TCF7L2: variants seen among roughly 807,000 people sequenced by gnomAD.
The protein encoded by TCF7L2 is transcription factor 7 like 2, also known as transcription factor 7-like 2.
Under a neutral mutation model 77.9 loss-of-function variants are expected in TCF7L2, and 23 were observed. That is an observed-to-expected ratio of 0.30 (90% CI 0.21 to 0.42). TCF7L2 has a LOEUF of 0.42. Among genes scored for constraint, TCF7L2 ranks in the 10% least tolerant of loss-of-function variants. The pLI is 1.00. For synonymous variants in TCF7L2, 413 were observed against 340.2 expected (o/e 1.21, Z -2.36); for missense variants, 654 against 793.1 (o/e 0.82, Z 2.11).
At chr10:113,148,805 T>G (rs1349265931) in intron 8 of TCF7L2, among the ~76,000 whole-genome samples, 1 of 152,226 alleles carries the variant, frequency 6.6e-6, no homozygotes, top group Admixed American at 6.5e-5. Context: ...GGTCTCTTTC[T>G]TTGCTGAACA....
At chr10:113,065,682 C>T (rs951203408) in intron 5 of TCF7L2, among the ~76,000 whole-genome samples, 6 of 152,172 alleles carry the variant, frequency 3.9e-5, no homozygotes, top group Admixed American at 2.6e-4. Context: ...GGCTCTGGCT[C>T]AGCTGCCTCC....
At chr10:113,013,734 C>G (rs1393835645) in intron 4 of TCF7L2, among the ~76,000 whole-genome samples, 2 of 152,186 alleles carry the variant, frequency 1.3e-5, no homozygotes, top group Non-Finnish European at 2.9e-5. Flanking sequence ...TTAGTCCCCA[C>G]TTTCTCCTGA....
chr10:113,117,122 A>G (rs766573008), intron 5 of TCF7L2, among the ~76,000 whole-genome samples: 5 of 152,236 alleles, frequency 3.3e-5, no homozygotes, highest in Non-Finnish European at 7.3e-5. Flanking sequence ...TGTACATCAA[A>G]TCTACGATTT....
chr10:113,090,909 T>C (rs2060327528), intron 5 of TCF7L2, among the ~76,000 whole-genome samples: 1 of 151,994 alleles, frequency 6.6e-6, no homozygotes, highest in Non-Finnish European at 1.5e-5. Flanking sequence ...TGCCTGGTCT[T>C]TTTTATTTTT....
chr10:112,951,143 C>G, intron 1 of TCF7L2, 64 bp from the exon 2 acceptor site: 1 of 1,418,264 alleles, frequency 7.1e-7, no homozygotes, highest in Non-Finnish European at 9.6e-7. Flanking sequence ...TCTTTTTCTC[C>G]CCCTTCTCCC....
intron 4 of TCF7L2, among the ~76,000 whole-genome samples, chr10:113,002,650 A>G (rs529808298): frequency 6.6e-5 from 10 of 152,244 alleles, no homozygotes; most frequent in Admixed American, 6.5e-4. Flanking sequence ...GTGTTGGTTG[A>G]TGGGAACATC....
At chr10:113,159,330 T>TA (rs539793387) in intron 12 of TCF7L2, among the ~76,000 whole-genome samples, 1 of 151,918 alleles carries the variant, frequency 6.6e-6, no homozygotes, top group Non-Finnish European at 1.5e-5. Context: ...AAAATAGATT[T>TA]AAAAAAAAGA....
In TCF7L2 at chr10:113,093,931, A is replaced by T. The variant is rs375006235; in HGVS notation, c.553-47253A>T. 1.1e-4 allele frequency among the ~76,000 whole-genome samples: 16 copies of T among 152,170 alleles called. No individual in the cohort carries two copies. The East Asian group carries it at 2.7e-3, about 26-fold the overall frequency. On this transcript the variant is annotated intron_variant, in intron 5 of 13. Coordinates refer to ENST00000627217, the MANE Select transcript of TCF7L2 (RefSeq NM_001146274.2). ...AGTTCATTGTCCAAAGCCTTCCCTG[A>T]TTCCTTGTTTCCTTCCTCTTCAGGG... is the stretch of plus-strand genomic sequence containing the variant.
At chr10:113,145,958 T>TAG in intron 7 of TCF7L2, 53 bp from the exon 8 acceptor site, 1 of 1,350,238 alleles carries the variant, frequency 7.4e-7, no homozygotes, top group Non-Finnish European at 1.0e-6. Flanking sequence ...CTTTTTCTTG[T>TAG]CCCCACCCCC....
At chr10:113,073,824 T>G (rs2058383173) in intron 5 of TCF7L2, among the ~76,000 whole-genome samples, 2 of 152,352 alleles carry the variant, frequency 1.3e-5, no homozygotes, top group African/African-American at 4.8e-5. Context: ...TGCCTGGCCC[T>G]GCTGCCTGCC....
At chr10:113,131,864 G>C (rs1055704047) in intron 5 of TCF7L2, among the ~76,000 whole-genome samples, 1 of 152,170 alleles carries the variant, frequency 6.6e-6, no homozygotes, top group African/African-American at 2.4e-5. Context: ...GCACACATTT[G>C]AGGATTTTTG....
intron 8 of TCF7L2, 63 bp downstream of exon 8, chr10:113,146,160 G>C: frequency 6.6e-7 from 1 of 1,507,066 alleles, no homozygotes; most frequent in South Asian, 1.1e-5. Context: ...AAGTTCTCTA[G>C]ATGGCCACCA....
intron 4 of TCF7L2, among the ~76,000 whole-genome samples, chr10:113,028,805 G>A (rs764582387): frequency 6.6e-6 from 1 of 152,202 alleles, no homozygotes; most frequent in South Asian, 2.1e-4. Flanking sequence ...GGATTTTTTA[G>A]AAGTTGTGAT....
intron 11 of TCF7L2, among the ~76,000 whole-genome samples, chr10:113,153,407 G>C (rs1318724671): frequency 6.6e-6 from 1 of 152,204 alleles, no homozygotes; most frequent in African/African-American, 2.4e-5. Context: ...CTTAAGGCCG[G>C]CACAGGCCTC....
In TCF7L2 at chr10:113,075,067, T is replaced by C. The variant is rs552307022; in HGVS notation, c.552+34941T>C. ...CTGTTGTCCAGATCATAACTCACTG[T>C]AACCTTGATCTCCTGGGCTGAAGCA... On this transcript the variant is annotated intron_variant, in intron 5 of 13. Transcript: ENST00000627217. Among the ~76,000 whole-genome samples the C allele has an allele frequency of 3.3e-5, 5 of 152,346 alleles. No homozygotes were observed. In the South Asian group the frequency reaches 1.0e-3, roughly 32 times the overall value.
At chr10:112,951,776 A>C in intron 3 of TCF7L2, 169 bp downstream of exon 3, 1 of 188,234 alleles carries the variant, frequency 5.3e-6, no homozygotes, top group Non-Finnish European at 9.9e-6. Context: ...AACTCTCCAA[A>C]CTTTTCTGCC....
intron 5 of TCF7L2, among the ~76,000 whole-genome samples, chr10:113,094,752 A>C (rs1247972069): frequency 6.6e-6 from 1 of 152,230 alleles, no homozygotes; most frequent in African/African-American, 2.4e-5. Flanking sequence ...AAAACTGTGA[A>C]AGTACTAATG....
intron 7 of TCF7L2, 39 bp from the exon 8 acceptor site, chr10:113,145,972 C>CAA: frequency 7.4e-6 from 10 of 1,342,566 alleles, no homozygotes; most frequent in South Asian, 1.2e-5. Flanking sequence ...CACCCCCACC[C>CAA]TTGTTTCAAG....
chr10:113,117,407 CT>C (rs57688673), intron 5 of TCF7L2, among the ~76,000 whole-genome samples: 2 of 44,298 alleles, frequency 4.5e-5, no homozygotes, highest in Non-Finnish European at 1.0e-4. Flanking sequence ...CTCTCTCTCT[CT>C]CTCTCTCTCT....
Sources: allele counts gnomAD v4.1 joint callset (sites outside exome capture counted in the v4.1 genomes callset), GRCh38; gene constraint gnomAD v4.1.1; transcripts MANE v1.5; gene names NCBI Gene and HGNC (gene_info 2026-07-23, HGNC 2026-07-21).